Variants in DNAH3 observed in about 807,000 individuals in gnomAD.
DNAH3 encodes dynein axonemal heavy chain 3.
DNAH3 carries 332 observed loss-of-function variants against 432.5 expected under a neutral mutation model. The ratio of observed to expected loss-of-function variants is 0.77; its 90% CI spans 0.70 to 0.84. The LOEUF (loss-of-function observed/expected upper bound fraction) is 0.84, where lower values mean the gene tolerates loss of function less well. Among genes scored for constraint, DNAH3 ranks in the 40% least tolerant of loss-of-function variants. The probability of loss-of-function intolerance (pLI) is 0.00; values close to 1 mark genes in which losing one functional copy is unlikely to be tolerated. For missense variants in DNAH3, 4,861 were observed against 5,114.0 expected, an observed-to-expected ratio of 0.95 and a Z score of 1.51; for synonymous variants, 1,956 against 1,900.2, an observed-to-expected ratio of 1.03 and a Z score of -0.76.
intron 9 of DNAH3, among the ~76,000 whole-genome samples, chr16:21,124,787 C>T (rs1024508936): frequency 6.6e-6 from 1 of 152,084 alleles, no homozygotes; most frequent in Non-Finnish European, 1.5e-5. Flanking sequence ...GTAGTTGGGA[C>T]TACAGGCATC....
At chr16:21,013,719 CAA>C (rs557641711) in intron 41 of DNAH3, among the ~76,000 whole-genome samples, 3 of 47,428 alleles carry the variant, frequency 6.3e-5, no homozygotes, top group Admixed American at 2.3e-4. Context: ...AACTCCATCT[CAA>C]AAAAAAAAAA....
chr16:21,153,167 ACT>A (rs1343953860), intron 1 of DNAH3, among the ~76,000 whole-genome samples: 1 of 152,138 alleles, frequency 6.6e-6, no homozygotes, highest in East Asian at 1.9e-4. Context: ...ACCAATCGAC[ACT>A]CTGTATCTAG....
In DNAH3 at chr16:21,072,843, C is replaced by CTAT. The variant is rs749609788; in HGVS notation, c.3085-2020_3085-2018dup. On this transcript the variant is annotated intron_variant, in intron 21 of 61. Coordinates refer to ENST00000261383, the Ensembl canonical transcript of DNAH3. Reference sequence around the variant, plus strand: ...ATTATTATTATTATTATTATTATTACTATTATTATTATTATTATTTTGTAG... The same window carrying CTAT: ...ATTATTATTATTATTATTATTATTACTATTATTATTATTATTATTATTTTGTAG... 4.2e-4 allele frequency among the ~76,000 whole-genome samples: 49 copies of CTAT among 115,848 alleles called. 1 individual carries two copies. In the South Asian group the frequency reaches 0.011, roughly 26 times the overall value. 76.0% of individuals were successfully genotyped at this position (115,848 alleles called of 152,430 possible).
exon 28 of DNAH3, chr16:21,054,523 T>G (rs2090067454): frequency 6.2e-7 from 1 of 1,613,782 alleles, no homozygotes; most frequent in South Asian, 1.1e-5. Context: ...CATTGCTCTT[T>G]TTCAGAAAAT....
At chr16:20,987,921 G>A (rs1401710043) in intron 45 of DNAH3, 21 bp downstream of exon 45, 6 of 1,614,176 alleles carry the variant, frequency 3.7e-6, no homozygotes, top group South Asian at 3.3e-5. Context: ...CACTATCCAG[G>A]AAGACAGAGA....
intron 42 of DNAH3, among the ~76,000 whole-genome samples, chr16:21,001,720 T>C (rs2087029752): frequency 6.6e-6 from 1 of 152,056 alleles, no homozygotes; most frequent in African/African-American, 2.4e-5. Flanking sequence ...ATGAAATAAA[T>C]GAGGCTCGAA....
At chr16:21,137,996 C>T (rs1357936220) in intron 5 of DNAH3, among the ~76,000 whole-genome samples, 4 of 151,924 alleles carry the variant, frequency 2.6e-5, no homozygotes, top group African/African-American at 7.2e-5. Flanking sequence ...GCCTGTAATC[C>T]CAGCACTTTG....
At chr16:21,013,998 T>C (rs1389266847) in intron 41 of DNAH3, among the ~76,000 whole-genome samples, 2 of 152,120 alleles carry the variant, frequency 1.3e-5, no homozygotes, top group Admixed American at 6.6e-5. Context: ...GTGAATTCTA[T>C]CAAACATTTA....
chr16:21,026,700 CAAAAAAAAAAA>C (rs35667454), intron 38 of DNAH3, among the ~76,000 whole-genome samples: 12 of 47,810 alleles, frequency 2.5e-4, no homozygotes, highest in East Asian at 6.8e-4. Flanking sequence ...TACTCCGTCT[CAAAAAAAAAAA>C]AAAAAAAAAA....
chr16:20,987,881 G>C (rs368631521), intron 45 of DNAH3, 32 bp from the exon 46 acceptor site: 1 of 1,614,062 alleles, frequency 6.2e-7, no homozygotes, highest in African/African-American at 1.3e-5. Context: ...CAGTAGTCAA[G>C]GAGGGGCCAG....
rs143090477 is a variant in DNAH3 at position 21,019,553 on chromosome 16, C to T, written c.6022+71G>A. ...TTTGTAAAGGGCTCACCTGTCTGCACATTCTGGTTGTGTTTAGAACACGTA... is the reference window on the plus strand; with the variant it reads ...TTTGTAAAGGGCTCACCTGTCTGCATATTCTGGTTGTGTTTAGAACACGTA... On this transcript the variant is annotated intron_variant, in intron 41 of 61. Coordinates refer to ENST00000261383, the Ensembl canonical transcript of DNAH3. The T allele has an allele frequency of 1.6e-4, 250 of 1,569,208 alleles. No individual in the cohort carries two copies. In the African/African-American group the frequency reaches 3.0e-3, roughly 19 times the overall value.
At position 21,157,886 on chromosome 16, in the gene DNAH3, T is replaced by C. The variant is rs796897079; in HGVS notation, c.117+1439A>G. 1.7e-4 allele frequency among the ~76,000 whole-genome samples: 25 copies of C among 147,214 alleles called. 1 individual carries two copies. Among genetic ancestry groups the C allele is most frequent in the African/African-American group, 6.4e-4 (25 of 39,250 alleles). The stretch of plus-strand genomic sequence containing the variant: ...GACGATGGGGCCTTCCAGGGGACAT[T>C]TGGCAATATTTTGAGACACAACTGG... On this transcript the variant is annotated intron_variant, in intron 1 of 61. Transcript: ENST00000261383.
exon 34 of DNAH3, chr16:21,037,886 C>T: frequency 6.2e-7 from 1 of 1,614,182 alleles, no homozygotes; most frequent in Non-Finnish European, 8.5e-7. Context: ...GCAGTAAGCA[C>T]AGACTTGACA....
chr16:21,062,387 A>G lies in DNAH3; in HGVS notation c.3720+95T>C, dbSNP rs902870022. On this transcript the variant is annotated intron_variant, in intron 25 of 61. Coordinates refer to ENST00000261383, the Ensembl canonical transcript of DNAH3. ...GTAGAACCCAAGTGTTCCATACCCC[A>G]GGCAGTCTGGTGCTTAGTCCCAGTG... 6.2e-6 allele frequency: 6 copies of G among 975,122 alleles called. No individual in the cohort carries two copies. In the African/African-American group the frequency reaches 8.1e-5, roughly 13 times the overall value. 60.4% of individuals were successfully genotyped at this position (975,122 alleles called of 1,614,324 possible).
chr16:21,095,059 T>C (rs972688690), intron 18 of DNAH3, among the ~76,000 whole-genome samples: 5 of 152,174 alleles, frequency 3.3e-5, no homozygotes, highest in Non-Finnish European at 7.3e-5. Flanking sequence ...AGTATGAAAA[T>C]GGACTAATAC....
chr16:21,008,018 G>T (rs1337367311), intron 41 of DNAH3, among the ~76,000 whole-genome samples: 1 of 152,108 alleles, frequency 6.6e-6, no homozygotes, highest in Non-Finnish European at 1.5e-5. Context: ...AAATGCAAGA[G>T]TTTTCTTTCT....
chr16:21,127,545 A>C, intron 8 of DNAH3, 142 bp downstream of exon 9: 1 of 1,021,524 alleles, frequency 9.8e-7, no homozygotes, highest in Admixed American at 2.5e-5. Context: ...TGAGTGACAG[A>C]AAGAGACTCT....
At chr16:20,965,029 T>A (rs769219028) in exon 53 of DNAH3, 1 of 1,614,110 alleles carries the variant, frequency 6.2e-7, no homozygotes, top group Non-Finnish European at 8.5e-7. Context: ...TTCCTCCAAG[T>A]CCTTTTTCTT....
chr16:20,965,934 A>AG (rs1275161423), intron 52 of DNAH3, among the ~76,000 whole-genome samples: 1 of 149,226 alleles, frequency 6.7e-6, no homozygotes, highest in Non-Finnish European at 1.5e-5. Context: ...GCTGGTCTTA[A>AG]ACTCCTGACC....
Sources: gnomAD v4.1 joint callset for allele counts (sites outside exome capture counted in the v4.1 genomes callset) on GRCh38, gnomAD v4.1.1 for gene constraint, MANE v1.5 for transcripts, NCBI Gene and HGNC (gene_info 2026-07-23, HGNC 2026-07-21) for gene names.